The following CAAP1 variants were observed in gnomAD, a reference collection of about 807,000 sequenced individuals.
CAAP1 encodes the protein conserved anti-apoptotic protein.
CAAP1 carries 20 observed loss-of-function variants against 34.0 expected under a neutral mutation model. That is an observed-to-expected ratio of 0.59 (90% CI 0.41 to 0.86). The LOEUF (loss-of-function observed/expected upper bound fraction) is 0.86. Among genes scored for constraint, CAAP1 ranks in the 40% least tolerant of loss-of-function variants. CAAP1 has a pLI of 0.00. For synonymous variants in CAAP1, 213 were observed against 166.7 expected, an observed-to-expected ratio of 1.28 and a Z score of -2.14; for missense variants, 538 against 450.5, an observed-to-expected ratio of 1.19 and a Z score of -1.76.
intron 5 of CAAP1, among the ~76,000 whole-genome samples, chr9:26,857,059 A>G (rs1029631388): frequency 6.6e-6 from 1 of 152,240 alleles, no homozygotes; most frequent in African/African-American, 2.4e-5. Context: ...TATTTTAAAA[A>G]TATTGTCTAC....
rs1359402521 is a variant in CAAP1, at chr9:26,887,434, T to C, written c.383A>G (p.Asp128Gly). Residue 128 changes from aspartate (D) to glycine (G), a missense_variant, in exon 2 of 6, where the codon GAC becomes GGC. Transcript: ENST00000333916. Reference sequence around the variant, plus strand: ...AACTGGTTTCAATGACACAGTCAGGTCCAGTCCACCTTCTTCAAGGTCACT... The same window carrying C: ...AACTGGTTTCAATGACACAGTCAGGCCCAGTCCACCTTCTTCAAGGTCACT... ...EHSDLEEGGL[D>G]LTVSLKPVSF... 1 of 1,613,798 alleles carries C rather than the reference T, an allele frequency of 6.2e-7. No homozygotes were observed. The highest frequency in any genetic ancestry group is 8.5e-7 in the Non-Finnish European group (1 of 1,179,864).
intron 5 of CAAP1, among the ~76,000 whole-genome samples, chr9:26,848,259 A>AATT (rs1303295052): frequency 1.3e-5 from 2 of 152,216 alleles, no homozygotes; most frequent in African/African-American, 4.8e-5. Context: ...TCATGCCTGT[A>AATT]ACCCAGCACT....
chr9:26,860,535 G>A (rs1822978579), intron 5 of CAAP1, among the ~76,000 whole-genome samples: 1 of 152,146 alleles, frequency 6.6e-6, no homozygotes, highest in Non-Finnish European at 1.5e-5. Flanking sequence ...GCTCACCCCT[G>A]TAATCCCAGC....
chr9:26,870,016 G>T, intron 4 of CAAP1: 1 of 812,024 alleles, frequency 1.2e-6, no homozygotes, highest in Non-Finnish European at 1.5e-6. Flanking sequence ...TTAAAAGTTA[G>T]GTTTCTGTAA....
At chr9:26,849,549 G>A (rs1248845985) in intron 5 of CAAP1, among the ~76,000 whole-genome samples, 1 of 151,844 alleles carries the variant, frequency 6.6e-6, no homozygotes, top group Non-Finnish European at 1.5e-5. Context: ...CTAGTTAACA[G>A]TCTGAATTTT....
chr9:26,878,930 C>G (rs541601633), intron 4 of CAAP1, among the ~76,000 whole-genome samples: 2 of 152,198 alleles, frequency 1.3e-5, no homozygotes, highest in South Asian at 4.1e-4. Flanking sequence ...CCCAAGAAGC[C>G]AAAATCTTAC....
chr9:26,851,437 T>C (rs559705214), intron 5 of CAAP1, among the ~76,000 whole-genome samples: 5 of 152,038 alleles, frequency 3.3e-5, no homozygotes, highest in South Asian at 2.1e-4. Flanking sequence ...GGTGAGAATA[T>C]ATAAAAAAAG....
chr9:26,858,205 G>C (rs1587098010), intron 5 of CAAP1, among the ~76,000 whole-genome samples: 1 of 152,170 alleles, frequency 6.6e-6, no homozygotes, highest in Admixed American at 6.5e-5. Context: ...AACAAAAATA[G>C]CTAGTTATGC....
At chr9:26,872,107 T>C (rs1587113644) in intron 4 of CAAP1, among the ~76,000 whole-genome samples, 1 of 152,164 alleles carries the variant, frequency 6.6e-6, no homozygotes, top group East Asian at 1.9e-4. Flanking sequence ...AGAGTGGTTA[T>C]ACAGGTAACT....
chr9:26,870,565 C>CAT, intron 4 of CAAP1, among the ~76,000 whole-genome samples: 1 of 143,708 alleles, frequency 7.0e-6, no homozygotes, highest in Admixed American at 6.9e-5. Flanking sequence ...CACACACACA[C>CAT]GTATAAATAC....
chr9:26,887,492 T>A lies in CAAP1; in HGVS notation c.325A>T (p.Thr109Ser), dbSNP rs752278956. 6.2e-7 allele frequency: 1 copy of A among 1,602,426 alleles called. No homozygotes were observed. The highest frequency in any genetic ancestry group is 2.2e-5 in the East Asian group (1 of 44,782). ...LQQETKYILP[T>S]LEKELFLAEH... The stretch of plus-strand genomic sequence containing the variant: ...GCCAAGAATAATTCTTTTTCCAAAG[T>A]TGGCAAAATATATTTAGTTTCCTAA... Residue 109 changes from threonine (T) to serine (S), a missense_variant, in exon 2 of 6, where the codon ACT becomes TCT. Thr to Ser is a moderately conservative substitution (Grantham distance 58, BLOSUM62 1). This residue lies in a region of CAAP1 where 514 missense variants were observed against 408.4 expected (regional missense o/e 1.26). Coordinates refer to ENST00000333916, the MANE Select transcript of CAAP1 (RefSeq NM_024828.4).
intron 5 of CAAP1, among the ~76,000 whole-genome samples, chr9:26,853,164 C>A (rs1029575539): frequency 6.6e-6 from 1 of 151,998 alleles, no homozygotes; most frequent in African/African-American, 2.4e-5. Context: ...AAAGAGACTC[C>A]CGGGAGCATG....
chr9:26,875,106 G>A (rs565640182), intron 4 of CAAP1, among the ~76,000 whole-genome samples: 1 of 152,206 alleles, frequency 6.6e-6, no homozygotes, highest in African/African-American at 2.4e-5. Flanking sequence ...CTGATGTTAT[G>A]TCTCTTTCTA....
chr9:26,842,961 A>G (rs562250877), intron 5 of CAAP1, among the ~76,000 whole-genome samples: 51 of 152,328 alleles, frequency 3.3e-4, no homozygotes, highest in Non-Finnish European at 6.8e-4. Flanking sequence ...TATCACAGTA[A>G]AGCTTCTGCA....
chr9:26,880,398 T>A, intron 4 of CAAP1: 1 of 280,274 alleles, frequency 3.6e-6, no homozygotes, highest in South Asian at 3.5e-5. Flanking sequence ...ACAACTGATT[T>A]CATGGAGTGC....
rs185766217 is a variant in CAAP1, at chr9:26,851,920, A to G, written c.739+9146T>C. Among the ~76,000 whole-genome samples, 431 of 152,124 alleles carry G rather than the reference A, an allele frequency of 2.8e-3. 2 individuals carry two copies. The highest frequency in any genetic ancestry group is 0.01 in the African/African-American group (423 of 41,510). ...ACCCATCCTAGGAAAGTGTGCTCAA[A>G]CTCATTATCTACTTCATAAACTACC... On this transcript the variant is annotated intron_variant, in intron 5 of 5. Transcript: ENST00000333916.
Position 26,841,816 on chromosome 9 carries a change from T to C in CAAP1, c.*485A>G, listed in dbSNP as rs898852926. 1 of 152,478 alleles carries C rather than the reference T, an allele frequency of 6.6e-6. No homozygotes were observed. The highest frequency in any genetic ancestry group is 1.5e-5 in the Non-Finnish European group (1 of 68,030). 9.4% of individuals were successfully genotyped at this position (152,478 alleles called of 1,614,324 possible). A position where few individuals can be genotyped will look rare whatever the true frequency, so the allele number is the denominator to read the frequency against. On this transcript the variant is annotated 3_prime_UTR_variant, in exon 6 of 6. Coordinates refer to ENST00000333916, the MANE Select transcript of CAAP1 (RefSeq NM_024828.4). ...GTTATTCGGTTTTAACTAGGAAATT[T>C]GCATTTACATAAGGAATCTTCAAAA...
Position 26,840,756 on chromosome 9 carries a change from A to C in CAAP1, c.*1545T>G, listed in dbSNP as rs952286363. ...TTTTACTTTATATGTTTAATCATAC[A>C]GATGCCATCTACAGTATTTTGTAGT... is the stretch of plus-strand genomic sequence containing the variant. On this transcript the variant is annotated 3_prime_UTR_variant, in exon 6 of 6. Coordinates refer to ENST00000333916, the MANE Select transcript of CAAP1 (RefSeq NM_024828.4). 1.3e-5 allele frequency: 2 copies of C among 152,234 alleles called. No homozygotes were observed. The highest frequency in any genetic ancestry group is 4.8e-5 in the African/African-American group (2 of 41,464). The allele number at this position is 152,234 out of a possible 1,614,324, so 9.4% of individuals were successfully genotyped here.
intron 4 of CAAP1, among the ~76,000 whole-genome samples, chr9:26,877,114 G>A (rs994135499): frequency 5.3e-5 from 8 of 152,148 alleles, no homozygotes; most frequent in South Asian, 4.2e-4. Context: ...CCTGCACTCC[G>A]GCATGGGCAA....
Sources: allele counts gnomAD v4.1 joint callset (sites outside exome capture counted in the v4.1 genomes callset), GRCh38; gene constraint gnomAD v4.1.1; regional missense constraint gnomAD v4.1.1; transcripts MANE v1.5; gene names NCBI Gene and HGNC (gene_info 2026-07-23, HGNC 2026-07-21).